MAN2B2: variants seen among roughly 807,000 people sequenced by gnomAD.
MAN2B2 encodes the protein mannosidase alpha class 2B member 2.
MAN2B2 carries 106 observed loss-of-function variants against 117.1 expected under a neutral mutation model. That is an observed-to-expected ratio of 0.90 (90% CI 0.77 to 1.06). The LOEUF is 1.06. MAN2B2 is among the 50% of genes least tolerant of loss of function. The pLI is 0.00. For synonymous variants in MAN2B2, 544 were observed against 595.1 expected (o/e 0.91, Z 1.25); for missense variants, 1,326 against 1,381.4 (o/e 0.96, Z 0.64).
At chr4:6,599,188 C>A (rs1188718112) in intron 9 of MAN2B2, among the ~76,000 whole-genome samples, 1 of 152,194 alleles carries the variant, frequency 6.6e-6, no homozygotes, top group Non-Finnish European at 1.5e-5. Flanking sequence ...GCCTTAGACT[C>A]CTGGGCTTGA....
In MAN2B2 at chr4:6,594,665, T is replaced by G; in HGVS notation, c.990T>G (p.Arg330=). Residue 330 remains arginine, a synonymous_variant, in exon 7 of 19, where the codon CGT becomes CGG. Coordinates refer to ENST00000285599, the MANE Select transcript of MAN2B2 (RefSeq NM_015274.3). ...VQYATLGDYF[R]ALHALNVTWR... Reference sequence around the variant, plus strand: ...ATGCCACGCTGGGCGACTACTTCCGTGCCCTGCACGCTCTCAATGTCACCT... The same window carrying G: ...ATGCCACGCTGGGCGACTACTTCCGGGCCCTGCACGCTCTCAATGTCACCT... 1 of 1,613,440 alleles carries G rather than the reference T, an allele frequency of 6.2e-7. No individual in the cohort carries two copies. Among genetic ancestry groups the G allele is most frequent in the Non-Finnish European group, 8.5e-7 (1 of 1,180,002 alleles).
intron 10 of MAN2B2, among the ~76,000 whole-genome samples, chr4:6,601,000 C>T (rs1727308041): frequency 6.6e-6 from 1 of 152,122 alleles, no homozygotes; most frequent in African/African-American, 2.4e-5. Context: ...CTGGAGTGAG[C>T]ACAGACCCCA....
At chr4:6,596,019 A>G (rs1727062411) in intron 7 of MAN2B2, among the ~76,000 whole-genome samples, 1 of 152,158 alleles carries the variant, frequency 6.6e-6, no homozygotes, top group Non-Finnish European at 1.5e-5. Context: ...TAATGTGGGC[A>G]TGGCTAATGG....
At chr4:6,618,922 A>G (rs929009834) in intron 17 of MAN2B2, 8 of 152,202 alleles carry the variant, frequency 5.3e-5, no homozygotes, top group Admixed American at 4.6e-4. Flanking sequence ...GAGCAGGTCT[A>G]GGCCATGGCG....
intron 6 of MAN2B2, among the ~76,000 whole-genome samples, 179 bp downstream of exon 6, chr4:6,593,529 C>G (rs961155078): frequency 2.0e-5 from 3 of 152,234 alleles, no homozygotes; most frequent in African/African-American, 4.8e-5. Flanking sequence ...CAGCCCCTCC[C>G]CCACCTGGAA....
rs755637309 is a variant in MAN2B2 at position 6,605,237 on chromosome 4, C to A, written c.1722C>A (p.Ser574Arg). ...GCCGCAGGCTGAGGAGACGCACCAG[C>A]CATGCGGGCAGGTACTTGGTGCCTG... ...QFGRRLRRRT[S>R]HAGRYLVPVA... Residue 574 changes from serine (S) to arginine (R), a missense_variant, in exon 11 of 19, where the codon AGC becomes AGA. Transcript: ENST00000285599. The A allele has an allele frequency of 6.2e-7, 1 of 1,614,224 alleles. No homozygotes were observed. Among genetic ancestry groups the A allele is most frequent in the African/African-American group, 1.3e-5 (1 of 75,056 alleles).
intron 3 of MAN2B2, among the ~76,000 whole-genome samples, chr4:6,579,077 A>G (rs1577269281): frequency 1.0e-5 from 1 of 95,790 alleles, no homozygotes; most frequent in Non-Finnish European, 2.0e-5. Context: ...CATCACCACC[A>G]CCACCACCAT....
rs546615643 is a variant in MAN2B2, at chr4:6,621,931, A to G, written c.*646A>G. 1.3e-4 allele frequency: 20 copies of G among 152,428 alleles called. No individual in the cohort carries two copies. Among genetic ancestry groups the G allele is most frequent in the African/African-American group, 4.6e-4 (19 of 41,596 alleles). The allele number at this position is 152,428 out of a possible 1,614,324, so 9.4% of individuals were successfully genotyped here. ...ATATCAGAACTATTAATATCAATAA[A>G]AGTATAACCTTCCCAGGTCTATGCC... On this transcript the variant is annotated 3_prime_UTR_variant, in exon 19 of 19. Coordinates refer to ENST00000285599, the MANE Select transcript of MAN2B2 (RefSeq NM_015274.3).
chr4:6,618,176 C>G (rs541361586), intron 17 of MAN2B2: 1 of 152,268 alleles, frequency 6.6e-6, no homozygotes, highest in African/African-American at 2.4e-5. Context: ...AGTAGAGACA[C>G]GGTCTTGCTG....
At chr4:6,593,139 G>A (rs771604907) in intron 5 of MAN2B2, 34 bp from the exon 6 acceptor site, 19 of 1,604,476 alleles carry the variant, frequency 1.2e-5, no homozygotes, top group East Asian at 4.5e-5. Context: ...CACAGAGTTC[G>A]TGTCTTCTGC....
chr4:6,591,466 C>T (rs545115219), intron 5 of MAN2B2, among the ~76,000 whole-genome samples: 21 of 152,312 alleles, frequency 1.4e-4, no homozygotes, highest in Admixed American at 5.2e-4. Context: ...AGCAAGGGGG[C>T]GGGTGCCCTC....
chr4:6,614,294 G>A lies in MAN2B2; in HGVS notation c.2640G>A (p.Leu880=), dbSNP rs918990733. The A allele has an allele frequency of 5.6e-6, 9 of 1,614,038 alleles. No individual in the cohort carries two copies. The highest frequency in any genetic ancestry group is 1.7e-5 in the Admixed American group (1 of 59,998). Residue 880 remains leucine, a synonymous_variant, in exon 16 of 19, where the codon CTG becomes CTA. Coordinates refer to ENST00000285599, the MANE Select transcript of MAN2B2 (RefSeq NM_015274.3). ...TLPPNLHLQI[L]SIPGWRYSSN... ...CCCCGAATCTTCACCTGCAGATCCTGAGCATCCCTGGCTGGCGCTACAGCT... is the reference window on the plus strand; with the variant it reads ...CCCCGAATCTTCACCTGCAGATCCTAAGCATCCCTGGCTGGCGCTACAGCT...
At chr4:6,577,636 G>T (rs1183115227) in intron 2 of MAN2B2, among the ~76,000 whole-genome samples, 1 of 152,236 alleles carries the variant, frequency 6.6e-6, no homozygotes, top group African/African-American at 2.4e-5. Flanking sequence ...CGGCAGGTGG[G>T]ATTCTGAGCC....
chr4:6,586,105 G>C (rs1440389210), intron 3 of MAN2B2, among the ~76,000 whole-genome samples: 2 of 151,192 alleles, frequency 1.3e-5, no homozygotes, highest in African/African-American at 2.4e-5. Flanking sequence ...CTGAAGTGCA[G>C]TGGCAGGATC....
chr4:6,606,714 C>T (rs1413498829), intron 11 of MAN2B2, among the ~76,000 whole-genome samples: 1 of 152,240 alleles, frequency 6.6e-6, no homozygotes, highest in Non-Finnish European at 1.5e-5. Flanking sequence ...TGCCTGTCAC[C>T]TGAGCAGAAA....
At chr4:6,579,369 ACCACCACCACCACTACCCT>A (rs1726320429) in intron 3 of MAN2B2, among the ~76,000 whole-genome samples, 1 of 76,788 alleles carries the variant, frequency 1.3e-5, no homozygotes, top group Non-Finnish European at 2.8e-5. Flanking sequence ...CATCACCATC[ACCACCACCACCACTACCCT>A]TCACCATCAC....
Position 6,600,735 on chromosome 4 carries a change from G to A in MAN2B2, c.1518G>A (p.Ala506=), listed in dbSNP as rs773156063. ...CTGGAGTCCGCGTCACAGATGAGGC[G>A]GGCCACCCAGTGCCCTCGCAGGTAT... ...GFPGVRVTDE[A]GHPVPSQIQN... The change falls in exon 10 of 19, where the codon GCG becomes GCA. Residue 506 remains alanine (A), a synonymous_variant. Transcript: ENST00000285599. 34 of 1,613,536 alleles carry A rather than the reference G, an allele frequency of 2.1e-5. No individual in the cohort carries two copies. Among genetic ancestry groups the A allele is most frequent in the Middle Eastern group, 1.7e-4 (1 of 5,958 alleles).
intron 14 of MAN2B2, 38 bp downstream of exon 14, chr4:6,611,028 G>C: frequency 1.2e-6 from 2 of 1,612,940 alleles, no homozygotes; most frequent in South Asian, 2.2e-5. Context: ...GCCCCTCGCG[G>C]CCCCCTACAG....
At chr4:6,576,790 A>G (rs1464560724) in intron 2 of MAN2B2, 66 bp downstream of exon 2, 8 of 1,591,840 alleles carry the variant, frequency 5.0e-6, no homozygotes, top group Middle Eastern at 1.7e-4. Context: ...GGAAAACTCA[A>G]TGGGGCAGTT....
Sources: allele counts gnomAD v4.1 joint callset (sites outside exome capture counted in the v4.1 genomes callset), GRCh38; gene constraint gnomAD v4.1.1; transcripts MANE v1.5; gene names NCBI Gene and HGNC (gene_info 2026-07-23, HGNC 2026-07-21).